The following PLCL1 variants were observed in gnomAD, a reference collection of about 807,000 sequenced individuals.
The protein encoded by PLCL1 is inactive phospholipase C-like protein 1.
Under a neutral mutation model 84.4 loss-of-function variants are expected in PLCL1, and 41 were observed. That is an observed-to-expected ratio of 0.49 (90% confidence interval 0.38 to 0.63). PLCL1 has a LOEUF of 0.63. PLCL1 is among the 30% of genes least tolerant of loss of function. The pLI, the probability that PLCL1 is intolerant of heterozygous loss-of-function variation, is 0.00. For synonymous variants in PLCL1, 490 were observed against 488.3 expected (o/e 1.00, Z -0.05); for missense variants, 1,206 against 1,367.8 (o/e 0.88, Z 1.87).
chr2:197,981,323 CAT>C (rs922963934), intron 1 of PLCL1, among the ~76,000 whole-genome samples: 30 of 152,188 alleles, frequency 2.0e-4, no homozygotes, highest in Middle Eastern at 3.4e-3. Context: ...TATGAAAACA[CAT>C]GTAGAAAAAT....
chr2:197,834,105 T>C (rs917502590), intron 1 of PLCL1, among the ~76,000 whole-genome samples: 1 of 152,198 alleles, frequency 6.6e-6, no homozygotes, highest in Non-Finnish European at 1.5e-5. Context: ...GAAAACTGGC[T>C]CGCCATATGC....
intron 1 of PLCL1, among the ~76,000 whole-genome samples, chr2:197,917,498 G>T (rs896579312): frequency 3.2e-4 from 48 of 152,152 alleles, no homozygotes; most frequent in Admixed American, 5.2e-4. Flanking sequence ...GAAGTACAGA[G>T]AATTTTTTAG....
chr2:198,066,288 T>C (rs1330635822), intron 1 of PLCL1, among the ~76,000 whole-genome samples: 5 of 152,220 alleles, frequency 3.3e-5, no homozygotes, highest in African/African-American at 1.2e-4. Flanking sequence ...TCTTAGGATC[T>C]AGTTCCTTAT....
At chr2:198,026,769 C>G (rs1574256412) in intron 1 of PLCL1, among the ~76,000 whole-genome samples, 1 of 152,116 alleles carries the variant, frequency 6.6e-6, no homozygotes, top group South Asian at 2.1e-4. Context: ...AAAAAACGCT[C>G]AACATTACTA....
At chr2:197,909,642 G>A (rs1188374452) in intron 1 of PLCL1, among the ~76,000 whole-genome samples, 2 of 152,164 alleles carry the variant, frequency 1.3e-5, no homozygotes, top group African/African-American at 4.8e-5. Context: ...GATGGGATCT[G>A]TTTACCTCAG....
At chr2:198,143,249 AC>A (rs1054632121) in intron 5 of PLCL1, among the ~76,000 whole-genome samples, 5 of 152,046 alleles carry the variant, frequency 3.3e-5, no homozygotes, top group African/African-American at 4.8e-5. Context: ...GGAATACACA[AC>A]CTAGATCCCT....
At chr2:197,825,131 T>G (rs1690904142) in intron 1 of PLCL1, among the ~76,000 whole-genome samples, 1 of 152,028 alleles carries the variant, frequency 6.6e-6, no homozygotes, top group African/African-American at 2.4e-5. Flanking sequence ...GAGGAGGATA[T>G]AATGAATATA....
chr2:197,810,102 C>T lies in PLCL1; in HGVS notation c.240+4763C>T, dbSNP rs74520940. Among the ~76,000 whole-genome samples the T allele has an allele frequency of 4.9e-3, 741 of 152,040 alleles. 50 individuals carry two copies. The East Asian group carries it at 0.14, about 28-fold the overall frequency. Reference sequence around the variant, plus strand: ...GAGTGTGCCCTGGGGGCTTCAGCTGCGGCTCTCCTCCCGAGATGTGATTTG... The same window carrying T: ...GAGTGTGCCCTGGGGGCTTCAGCTGTGGCTCTCCTCCCGAGATGTGATTTG... On this transcript the variant is annotated intron_variant, in intron 1 of 5. Coordinates refer to ENST00000428675, the MANE Select transcript of PLCL1 (RefSeq NM_006226.4).
chr2:197,930,748 G>T (rs1688914831), intron 1 of PLCL1, among the ~76,000 whole-genome samples: 2 of 152,144 alleles, frequency 1.3e-5, no homozygotes, highest in African/African-American at 4.8e-5. Context: ...GAGCCATCTT[G>T]CTCCTACCAG....
intron 1 of PLCL1, among the ~76,000 whole-genome samples, chr2:197,982,290 A>G (rs187379969): frequency 4.2e-4 from 64 of 152,106 alleles, no homozygotes; most frequent in African/African-American, 1.4e-3. Flanking sequence ...TTGTATCTCT[A>G]CTGTCTTTTG....
intron 5 of PLCL1, among the ~76,000 whole-genome samples, chr2:198,124,643 A>G (rs1291907608): frequency 2.0e-5 from 3 of 152,128 alleles, no homozygotes; most frequent in Non-Finnish European, 4.4e-5. Flanking sequence ...CTTTGATTCA[A>G]CAAACACAAA....
intron 5 of PLCL1, among the ~76,000 whole-genome samples, chr2:198,129,994 T>A (rs960027172): frequency 2.6e-5 from 4 of 152,042 alleles, no homozygotes; most frequent in Admixed American, 6.6e-5. Flanking sequence ...CCCTACTTTT[T>A]ATTTTTTTTA....
chr2:198,079,048 TG>T (rs1283724202), intron 1 of PLCL1, among the ~76,000 whole-genome samples: 3 of 152,056 alleles, frequency 2.0e-5, no homozygotes, highest in Non-Finnish European at 2.9e-5. Flanking sequence ...TTTTCATGAT[TG>T]AGATCCAAAA....
intron 1 of PLCL1, among the ~76,000 whole-genome samples, chr2:197,970,322 C>T (rs1689835740): frequency 6.6e-6 from 1 of 152,184 alleles, no homozygotes; most frequent in African/African-American, 2.4e-5. Flanking sequence ...ACTCCCATGA[C>T]AATAGCATTA....
chr2:198,148,183 A>G lies in PLCL1; in HGVS notation c.*1221A>G, dbSNP rs890212491. ...TACCTCCAACAGAACTAAATGTTCT[A>G]TGGTTATGAAAGAATATATTTATTT... On this transcript the variant is annotated 3_prime_UTR_variant, in exon 6 of 6. Transcript: ENST00000428675. 6.6e-6 allele frequency: 1 copy of G among 152,336 alleles called. No individual in the cohort carries two copies. The highest frequency in any genetic ancestry group is 2.4e-5 in the African/African-American group (1 of 41,454). The allele number at this position is 152,336 out of a possible 1,614,324, so 9.4% of individuals were successfully genotyped here.
At chr2:197,822,271 G>A (rs1690830202) in intron 1 of PLCL1, among the ~76,000 whole-genome samples, 1 of 152,144 alleles carries the variant, frequency 6.6e-6, no homozygotes, top group Non-Finnish European at 1.5e-5. Context: ...CCAGTCAGCA[G>A]GGAGTTGCCT....
At chr2:198,018,094 G>C (rs1691041965) in intron 1 of PLCL1, among the ~76,000 whole-genome samples, 1 of 152,178 alleles carries the variant, frequency 6.6e-6, no homozygotes, top group Non-Finnish European at 1.5e-5. Context: ...AGCAGAAGCA[G>C]GGTGGGGCAT....
chr2:197,818,726 CCTT>C (rs1000611512), intron 1 of PLCL1, among the ~76,000 whole-genome samples: 12 of 152,056 alleles, frequency 7.9e-5, no homozygotes, highest in African/African-American at 2.9e-4. Context: ...TTAACTGTCT[CCTT>C]CTCCACCAAA....
chr2:197,857,172 C>CT (rs112813397), intron 1 of PLCL1, among the ~76,000 whole-genome samples: 47 of 146,034 alleles, frequency 3.2e-4, no homozygotes, highest in Admixed American at 4.1e-4. Context: ...AGAGAATGAA[C>CT]TTTTTTTTTT....
Sources: gnomAD v4.1 joint callset for allele counts (sites outside exome capture counted in the v4.1 genomes callset) on GRCh38, gnomAD v4.1.1 for gene constraint, MANE v1.5 for transcripts, NCBI Gene and HGNC (gene_info 2026-07-23, HGNC 2026-07-21) for gene names.